PAX8: variants seen among roughly 807,000 people sequenced by gnomAD.
PAX8 encodes the protein paired box protein Pax-8.
A neutral mutation model predicts 52.4 loss-of-function variants in PAX8; 15 were observed. That is an observed-to-expected ratio of 0.29 (90% CI 0.19 to 0.44). The LOEUF is 0.44. Ranked by LOEUF, PAX8 falls within the 20% of genes least tolerant of loss-of-function variation. The pLI is 1.00. For missense variants in PAX8, 554 were observed against 602.5 expected, an observed-to-expected ratio of 0.92 and a Z score of 0.84; for synonymous variants, 284 against 249.7, an observed-to-expected ratio of 1.14 and a Z score of -1.29.
intron 2 of PAX8, chr2:113,267,645 C>T (rs539008386): frequency 6.6e-6 from 1 of 152,358 alleles, no homozygotes; most frequent in East Asian, 1.9e-4. Context: ...TCGATTATGA[C>T]TTCCTTTCTA....
At chr2:113,270,366 T>C (rs931076133) in intron 2 of PAX8, 2 of 152,216 alleles carry the variant, frequency 1.3e-5, no homozygotes, top group Admixed American at 1.3e-4. Context: ...TCCCCATATT[T>C]TATAAAGGGG....
intron 2 of PAX8, chr2:113,263,520 T>A (rs1692838274): frequency 2.0e-5 from 3 of 152,308 alleles, no homozygotes; most frequent in African/African-American, 7.2e-5. Flanking sequence ...CCAGGATTAG[T>A]TTTCACAACA....
intron 2 of PAX8, among the ~76,000 whole-genome samples, chr2:113,256,302 G>A (rs1692240533): frequency 1.3e-5 from 2 of 152,168 alleles, no homozygotes; most frequent in South Asian, 4.1e-4. Context: ...GGAAGAAACT[G>A]GAGTTATCAG....
chr2:113,235,662 T>G, intron 8 of PAX8, 80 bp from the exon 9 acceptor site: 2 of 1,239,124 alleles, frequency 1.6e-6, no homozygotes, highest in Non-Finnish European at 2.3e-6. Flanking sequence ...AGCCGTGGGA[T>G]GTGGAGGGTG....
intron 9 of PAX8, among the ~76,000 whole-genome samples, chr2:113,228,321 C>A (rs1454453438): frequency 6.6e-6 from 1 of 152,220 alleles, no homozygotes; most frequent in Non-Finnish European, 1.5e-5. Flanking sequence ...TGACCAGTAT[C>A]CCAGCATATT....
chr2:113,242,136 G>A lies in PAX8; in HGVS notation c.479-6C>T, dbSNP rs76792774. ...AGTTACAGCTGAGCTGGGGACTGCA[G>A]TGGGGGAGAGGGAGAGGGTCAGGGG... On this transcript the variant is annotated splice_polypyrimidine_tract_variant and splice_region_variant and intron_variant, in intron 5 of 11. Coordinates refer to ENST00000429538, the MANE Select transcript of PAX8 (RefSeq NM_003466.4). 1.5e-3 allele frequency: 2,484 copies of A among 1,610,988 alleles called. 32 individuals carry two copies. The African/African-American group carries it at 0.024, about 15-fold the overall frequency.
chr2:113,216,726 G>C lies in PAX8; in HGVS notation c.*1807C>G, dbSNP rs138533336. 3.2e-3 allele frequency: 723 copies of C among 227,214 alleles called. 8 individuals are homozygous for C. The highest frequency in any genetic ancestry group is 0.015 in the African/African-American group (670 of 45,086). The allele number at this position is 227,214 out of a possible 1,614,324, so 14.1% of individuals were successfully genotyped here. On this transcript the variant is annotated 3_prime_UTR_variant, in exon 12 of 12. Coordinates refer to ENST00000429538, the MANE Select transcript of PAX8 (RefSeq NM_003466.4). ...AATCAAAAGAAATTAAATCCCCAGT[G>C]GCAGCTCCAGAACCTCCACTGGGTC...
intron 10 of PAX8, among the ~76,000 whole-genome samples, chr2:113,224,833 AT>A (rs1689465301): frequency 7.0e-6 from 1 of 142,112 alleles, no homozygotes; most frequent in Non-Finnish European, 1.5e-5. Context: ...ATAAAATAAA[AT>A]AAAATATAAA....
intron 2 of PAX8, among the ~76,000 whole-genome samples, chr2:113,254,656 A>G (rs1316746814): frequency 1.3e-5 from 2 of 152,178 alleles, no homozygotes; most frequent in Admixed American, 1.3e-4. Context: ...AAGCTACTAA[A>G]TCTTGTAGAC....
At position 113,241,574 on chromosome 2, in the gene PAX8, G is replaced by C. The variant is rs768835143; in HGVS notation, c.754C>G (p.Pro252Ala). The change falls in exon 7 of 12, where the codon CCC becomes GCC. Residue 252 changes from proline (P) to alanine (A), a missense_variant. By Grantham distance (27) the Pro-to-Ala change is conservative (BLOSUM62 -1). Transcript: ENST00000429538. ...ACCTGCTCGCCTTTGGTGTGGCTGG[G>C]GGAGGCATAGGCCTCTGGGTAGTGC... ...RQHYPEAYAS[P>A]SHTKGEQGLY... 5 of 1,610,528 alleles carry C rather than the reference G, an allele frequency of 3.1e-6. No individual in the cohort carries two copies. In the East Asian group the frequency reaches 1.1e-4, roughly 36 times the overall value.
intron 2 of PAX8, among the ~76,000 whole-genome samples, chr2:113,257,601 G>A (rs143398944): frequency 5.2e-4 from 79 of 152,318 alleles, no homozygotes; most frequent in African/African-American, 1.5e-3. Flanking sequence ...GACAGGGGAG[G>A]GAGATAGAGG....
At chr2:113,242,262 A>C in intron 5 of PAX8, 132 bp from the exon 6 acceptor site, 2 of 696,252 alleles carry the variant, frequency 2.9e-6, no homozygotes, top group Non-Finnish European at 2.5e-6. Flanking sequence ...AAGGGGTGGG[A>C]CACCCCTTAC....
chr2:113,244,475 T>C lies in PAX8; in HGVS notation c.341A>G (p.Glu114Gly), dbSNP rs1691145687. 6.2e-7 allele frequency: 1 copy of C among 1,614,070 alleles called. No homozygotes were observed. Among genetic ancestry groups the C allele is most frequent in the South Asian group, 1.1e-5 (1 of 91,092 alleles). The change falls in exon 4 of 12, where the codon GAG (glutamate) becomes GGG (glycine). Residue 114 changes from glutamate to glycine, a missense_variant. By Grantham distance (98) the Glu-to-Gly change is moderately conservative. Around this residue, in one of 2 missense-constraint regions of PAX8, gnomAD observed 109 missense variants for 192.7 expected, o/e 0.57. Coordinates refer to ENST00000429538, the MANE Select transcript of PAX8 (RefSeq NM_003466.4). ...CACAGTGTCATTGTCACAGACGCCCTCAGCCAGGAGCCGGTCTCGGATCTC... is the reference window on the plus strand; with the variant it reads ...CACAGTGTCATTGTCACAGACGCCCCCAGCCAGGAGCCGGTCTCGGATCTC... ...AWEIRDRLLA[E>G]GVCDNDTVPS...
At chr2:113,250,435 A>AC (rs1328631310) in intron 2 of PAX8, among the ~76,000 whole-genome samples, 1 of 152,206 alleles carries the variant, frequency 6.6e-6, no homozygotes, top group Non-Finnish European at 1.5e-5. Context: ...GTTTTCTCAA[A>AC]CTTCAGTGTG....
intron 3 of PAX8, among the ~76,000 whole-genome samples, 190 bp from the exon 4 acceptor site, chr2:113,244,814 T>C (rs1255744837): frequency 6.6e-6 from 1 of 152,212 alleles, no homozygotes; most frequent in African/African-American, 2.4e-5. Context: ...GGTAGGTTCA[T>C]GCTACTGCCA....
chr2:113,261,249 G>A (rs6542125), intron 2 of PAX8, among the ~76,000 whole-genome samples: 25,435 of 152,066 alleles, frequency 0.17, 2,315 homozygotes, highest in African/African-American at 0.24. Context: ...ACTCTGTGAC[G>A]ATGCCAGTCT....
At chr2:113,250,763 T>G (rs139885410) in intron 2 of PAX8, 1 of 152,374 alleles carries the variant, frequency 6.6e-6, no homozygotes, top group Non-Finnish European at 1.5e-5. Context: ...CTATCATGAC[T>G]CAGGTACAAA....
Position 113,242,029 on chromosome 2 carries a change from C to G in PAX8, c.580G>C (p.Asp194His). 1 of 1,613,672 alleles carries G rather than the reference C, an allele frequency of 6.2e-7. No homozygotes were observed. ...GLLGIAQPGS[D>H]KRKMDDSDQD... is the part of the protein sequence containing the mutation. ...TCACTGTCATCCATTTTCCTCTTGT[C>G]GCTGCCAGGCTGAGCGATGCCCAGG... Residue 194 changes from aspartate (D) to histidine (H), a missense_variant, in exon 6 of 12, where the codon GAC becomes CAC. Around this residue, in one of 2 missense-constraint regions of PAX8, gnomAD observed 445 missense variants for 409.9 expected, o/e 1.09. Transcript: ENST00000429538.
chr2:113,259,879 A>G (rs1049028125), intron 2 of PAX8, among the ~76,000 whole-genome samples: 5 of 152,188 alleles, frequency 3.3e-5, no homozygotes, highest in African/African-American at 4.8e-5. Context: ...TGGGCTGCAG[A>G]AGGAAGGTCC....
Sources: gnomAD v4.1 joint callset for allele counts (sites outside exome capture counted in the v4.1 genomes callset) on GRCh38, gnomAD v4.1.1 for gene constraint, gnomAD v4.1.1 regional missense constraint, MANE v1.5 for transcripts, NCBI Gene and HGNC (gene_info 2026-07-23, HGNC 2026-07-21) for gene names.